The following SYCE2 variants were observed in gnomAD, a reference collection of about 807,000 sequenced individuals.
SYCE2 encodes central element synaptonemal complex 1.
Under a neutral mutation model 27.9 loss-of-function variants are expected in SYCE2, and 3 were observed. That is an observed-to-expected ratio of 0.11 (90% CI 0.05 to 0.28). SYCE2 has a LOEUF of 0.28. Ranked by LOEUF, SYCE2 falls within the 10% of genes least tolerant of loss-of-function variation. The probability of loss-of-function intolerance (pLI) is 1.00; values close to 1 mark genes in which losing one functional copy is unlikely to be tolerated. For synonymous variants in SYCE2, 85 were observed against 100.7 expected (o/e 0.84, Z 0.93); for missense variants, 207 against 263.5 (o/e 0.79, Z 1.48).
chr19:12,912,047 C>T (rs1013830011), intron 2 of SYCE2, among the ~76,000 whole-genome samples: 1 of 148,428 alleles, frequency 6.7e-6, no homozygotes, highest in Non-Finnish European at 1.5e-5. Flanking sequence ...AAGCAATTCT[C>T]CTGCCTCAGC....
chr19:12,900,976 G>A (rs1970823586), intron 3 of SYCE2, among the ~76,000 whole-genome samples: 1 of 152,020 alleles, frequency 6.6e-6, no homozygotes, highest in Admixed American at 6.6e-5. Context: ...TCAGGAGATC[G>A]AGACCACTGT....
chr19:12,905,648 T>C (rs944116241), intron 2 of SYCE2, among the ~76,000 whole-genome samples: 4 of 150,366 alleles, frequency 2.7e-5, no homozygotes, highest in Admixed American at 6.6e-5. Flanking sequence ...TTCTTTCTTA[T>C]TTTCTTTTTT....
Position 12,919,248 on chromosome 19 carries a change from G to C in SYCE2, c.10C>G (p.Gln4Glu). ...AGGAAACAAGCGCCGCGTACTCCCT[G>C]TCGCTCCATTCCGTATTTTCCCGCC... MER[Q>E]GVDVPHVKCK... The change falls in exon 1 of 6, where the codon CAG becomes GAG. Residue 4 changes from glutamine to glutamate, a missense_variant. By Grantham distance (29) the Gln-to-Glu change is conservative. Transcript: ENST00000293695. 2 of 1,611,308 alleles carry C rather than the reference G, an allele frequency of 1.2e-6. No individual in the cohort carries two copies. The highest frequency in any genetic ancestry group is 1.7e-6 in the Non-Finnish European group (2 of 1,179,998).
At chr19:12,917,319 G>T (rs1971154388) in intron 2 of SYCE2, among the ~76,000 whole-genome samples, 1 of 152,182 alleles carries the variant, frequency 6.6e-6, no homozygotes. Context: ...CTCCCAAAGT[G>T]CTGGGATTAC....
intron 2 of SYCE2, among the ~76,000 whole-genome samples, chr19:12,915,753 C>G (rs905998785): frequency 6.6e-6 from 1 of 152,108 alleles, no homozygotes; most frequent in Non-Finnish European, 1.5e-5. Flanking sequence ...ACCCCTGTAC[C>G]CCACTCGCTC....
Position 12,908,309 on chromosome 19 carries a change from AGAGT to A in SYCE2, c.132-3647_132-3644del, listed in dbSNP as rs1970978188. ...TTTTTTTTTTTTTTAAGAGAGAGAGAGAGTCTCACCCTGGGCTTCTTTTCTTTTC... is the reference window on the plus strand; with the variant it reads ...TTTTTTTTTTTTTTAAGAGAGAGAGACTCACCCTGGGCTTCTTTTCTTTTC... On this transcript the variant is annotated intron_variant, in intron 2 of 5. Coordinates refer to ENST00000293695, the MANE Select transcript of SYCE2 (RefSeq NM_001105578.2). Among the ~76,000 whole-genome samples, 2 of 123,926 alleles carry A rather than the reference AGAGT, an allele frequency of 1.6e-5. 1 individual carries two copies. The highest frequency in any genetic ancestry group is 5.6e-4 in the South Asian group (2 of 3,590). The allele number at this position is 123,926 out of a possible 152,430, so 81.3% of individuals were successfully genotyped here.
In SYCE2 at chr19:12,899,213, G is replaced by C; in HGVS notation, c.*128C>G. 1 of 845,326 alleles carries C rather than the reference G, an allele frequency of 1.2e-6. No homozygotes were observed. The highest frequency in any genetic ancestry group is 1.9e-6 in the Non-Finnish European group (1 of 520,464). 52.4% of individuals were successfully genotyped at this position (845,326 alleles called of 1,614,324 possible). A position where few individuals can be genotyped will look rare whatever the true frequency, so the allele number is the denominator to read the frequency against. ...TGGGAGTTCAGCACAAGGAGCTTTG[G>C]GTTTTTGTTTTTTTCTGCCAAGATG... On this transcript the variant is annotated 3_prime_UTR_variant, in exon 6 of 6. Coordinates refer to ENST00000293695, the MANE Select transcript of SYCE2 (RefSeq NM_001105578.2).
chr19:12,901,727 T>C (rs1355939025), intron 3 of SYCE2, among the ~76,000 whole-genome samples: 2 of 152,040 alleles, frequency 1.3e-5, no homozygotes, highest in Non-Finnish European at 2.9e-5. Context: ...GCGATTCTCC[T>C]GCCTCAGCCT....
chr19:12,899,122 G>A lies in SYCE2; in HGVS notation c.*219C>T. 1.7e-6 allele frequency: 1 copy of A among 587,326 alleles called. No individual in the cohort carries two copies. The highest frequency in any genetic ancestry group is 2.8e-5 in the East Asian group (1 of 35,494). The allele number at this position is 587,326 out of a possible 1,614,324, so 36.4% of individuals were successfully genotyped here. On this transcript the variant is annotated 3_prime_UTR_variant, in exon 6 of 6. Transcript: ENST00000293695. Reference sequence around the variant, plus strand: ...AATAAACTGTGGGGCTGGGGGTGGGGAGAACTTGCCAAGGGTGGGGAGCAC... The same window carrying A: ...AATAAACTGTGGGGCTGGGGGTGGGAAGAACTTGCCAAGGGTGGGGAGCAC...
At chr19:12,915,805 C>T (rs931924000) in intron 2 of SYCE2, among the ~76,000 whole-genome samples, 29 of 152,164 alleles carry the variant, frequency 1.9e-4, no homozygotes, top group Admixed American at 1.4e-3. Context: ...CCGAATGCCA[C>T]GAGCAGGGAC....
At chr19:12,918,154 G>C in intron 2 of SYCE2, 68 bp downstream of exon 2, 1 of 1,338,064 alleles carries the variant, frequency 7.5e-7, no homozygotes, top group South Asian at 1.2e-5. Context: ...ATAGCCTTGT[G>C]GAAGAAAAGG....
At chr19:12,917,551 C>T (rs1032128503) in intron 2 of SYCE2, among the ~76,000 whole-genome samples, 11 of 149,902 alleles carry the variant, frequency 7.3e-5, no homozygotes, top group Non-Finnish European at 1.5e-4. Context: ...TTAGTAGAGA[C>T]GGGGTTTCAT....
At chr19:12,899,764 A>G in intron 5 of SYCE2, 1 of 1,609,600 alleles carries the variant, frequency 6.2e-7, no homozygotes, top group Non-Finnish European at 8.5e-7. Context: ...TCCACTTTTA[A>G]CCATGGATGA....
At chr19:12,903,066 AC>A (rs1970871757) in intron 3 of SYCE2, among the ~76,000 whole-genome samples, 2 of 150,452 alleles carry the variant, frequency 1.3e-5, no homozygotes, top group Non-Finnish European at 3.0e-5. Context: ...AAAAGAAAAA[AC>A]CAGAAAGAGG....
At chr19:12,903,094 C>CT (rs1298868407) in intron 3 of SYCE2, among the ~76,000 whole-genome samples, 5,419 of 129,272 alleles carry the variant, frequency 0.042, 134 homozygotes, top group African/African-American at 0.063. Context: ...TCTTTTTCTT[C>CT]TTTTTTTTTT....
In SYCE2 at chr19:12,908,872, C is replaced by T. The variant is rs999871195; in HGVS notation, c.132-4206G>A. ...GCCTCTGCTGTCTTCTTGCCAGACA[C>T]CGTCAATCACACACTTGTTCTGCAG... On this transcript the variant is annotated intron_variant, in intron 2 of 5. Transcript: ENST00000293695. Among the ~76,000 whole-genome samples, 11 of 152,186 alleles carry T rather than the reference C, an allele frequency of 7.2e-5. 1 individual carries two copies. Among genetic ancestry groups the T allele is most frequent in the Admixed American group, 5.2e-4 (8 of 15,266 alleles).
chr19:12,905,384 T>A (rs945317047), intron 2 of SYCE2, among the ~76,000 whole-genome samples: 2 of 151,990 alleles, frequency 1.3e-5, no homozygotes, highest in Admixed American at 1.3e-4. Flanking sequence ...CAGGCTGGAG[T>A]GCAGTGGCGC....
At chr19:12,904,720 G>A (rs1345296160) in intron 2 of SYCE2, 54 bp from the exon 3 acceptor site, 16 of 1,598,156 alleles carry the variant, frequency 1.0e-5, no homozygotes, top group African/African-American at 1.3e-5. Flanking sequence ...TACAGGAAGC[G>A]GCCAGGTGTA....
At chr19:12,900,391 A>G in intron 4 of SYCE2, 69 bp downstream of exon 4, 1 of 1,537,416 alleles carries the variant, frequency 6.5e-7, no homozygotes, top group South Asian at 1.2e-5. Flanking sequence ...TTCTGTTCAC[A>G]TTTACTCTTG....
Sources: allele counts gnomAD v4.1 joint callset (sites outside exome capture counted in the v4.1 genomes callset), GRCh38; gene constraint gnomAD v4.1.1; transcripts MANE v1.5; gene names NCBI Gene and HGNC (gene_info 2026-07-23, HGNC 2026-07-21).